The following PCSK2 variants were observed in gnomAD, a reference collection of about 807,000 sequenced individuals.
PCSK2 encodes proprotein convertase subtilisin/kexin type 2.
A neutral mutation model predicts 69.7 loss-of-function variants in PCSK2; 14 were observed. That is an observed-to-expected ratio of 0.20 (90% CI 0.13 to 0.31). The LOEUF is 0.31. Among genes scored for constraint, PCSK2 ranks in the 10% least tolerant of loss-of-function variants. PCSK2 has a pLI of 1.00. For missense variants in PCSK2, 544 were observed against 842.5 expected (o/e 0.65, Z 4.39); for synonymous variants, 307 against 320.7 (o/e 0.96, Z 0.46).
chr20:17,331,761 T>C (rs1479674443), intron 2 of PCSK2, among the ~76,000 whole-genome samples: 1 of 143,262 alleles, frequency 7.0e-6, no homozygotes, highest in East Asian at 2.0e-4. Flanking sequence ...CATCATCTCG[T>C]GTGATTAAAA....
rs181813185 is a variant in PCSK2 at position 17,327,908 on chromosome 20, C to A, written c.283-30419C>A. 1.6e-4 allele frequency among the ~76,000 whole-genome samples: 24 copies of A among 152,268 alleles called. No homozygotes were observed. The East Asian group carries it at 3.7e-3, about 23-fold the overall frequency. ...GTGCTTCCAAATTTATTTACTGCTGCCTCAAAAACACCAAGTAAATCATGC... is the reference window on the plus strand; with the variant it reads ...GTGCTTCCAAATTTATTTACTGCTGACTCAAAAACACCAAGTAAATCATGC... On this transcript the variant is annotated intron_variant, in intron 2 of 11. Transcript: ENST00000262545.
At chr20:17,393,673 T>G (rs888695486) in intron 5 of PCSK2, among the ~76,000 whole-genome samples, 10 of 152,222 alleles carry the variant, frequency 6.6e-5, no homozygotes, top group African/African-American at 2.4e-4. Context: ...GATTTCTCTC[T>G]TGTTTCAATT....
At chr20:17,398,961 C>T (rs1027557420) in intron 5 of PCSK2, among the ~76,000 whole-genome samples, 1 of 152,074 alleles carries the variant, frequency 6.6e-6, no homozygotes, top group Non-Finnish European at 1.5e-5. Context: ...TAATGAGACA[C>T]CCCAGCTAAG....
intron 4 of PCSK2, 135 bp from the exon 5 acceptor site, chr20:17,369,105 T>G: frequency 1.4e-6 from 1 of 723,100 alleles, no homozygotes; most frequent in South Asian, 1.6e-5. Context: ...GGGAGCTGTG[T>G]GATGGGGCAC....
At chr20:17,417,611 C>T (rs963871591) in intron 6 of PCSK2, among the ~76,000 whole-genome samples, 5 of 152,146 alleles carry the variant, frequency 3.3e-5, no homozygotes, top group African/African-American at 1.2e-4. Flanking sequence ...AGCTCAAGTC[C>T]ACAGAACCAA....
intron 1 of PCSK2, among the ~76,000 whole-genome samples, chr20:17,243,735 A>G (rs896356657): frequency 2.6e-5 from 4 of 152,210 alleles, no homozygotes; most frequent in Non-Finnish European, 5.9e-5. Flanking sequence ...ACACACCACA[A>G]CGTGTGTAAT....
chr20:17,320,982 T>A (rs1989846216), intron 2 of PCSK2, among the ~76,000 whole-genome samples: 1 of 152,090 alleles, frequency 6.6e-6, no homozygotes, highest in African/African-American at 2.4e-5. Context: ...ACAAGCAAAA[T>A]GTTAGGCATC....
intron 11 of PCSK2, among the ~76,000 whole-genome samples, chr20:17,479,832 C>CA (rs2033364176): frequency 6.8e-6 from 1 of 146,346 alleles, no homozygotes; most frequent in Non-Finnish European, 1.5e-5. Context: ...GAACTATCCA[C>CA]AATGACAGTG....
intron 2 of PCSK2, among the ~76,000 whole-genome samples, chr20:17,318,282 T>C (rs1486210157): frequency 6.6e-6 from 1 of 152,204 alleles, no homozygotes; most frequent in Non-Finnish European, 1.5e-5. Context: ...ATGCACTGTT[T>C]AGAGGTTCTG....
intron 2 of PCSK2, among the ~76,000 whole-genome samples, chr20:17,314,492 G>T (rs1202123453): frequency 1.3e-5 from 2 of 152,216 alleles, no homozygotes; most frequent in African/African-American, 4.8e-5. Context: ...TATGGCCTGA[G>T]TTATGCTCTG....
At chr20:17,288,832 G>T (rs1401278715) in intron 2 of PCSK2, among the ~76,000 whole-genome samples, 1 of 152,154 alleles carries the variant, frequency 6.6e-6, no homozygotes, top group African/African-American at 2.4e-5. Context: ...TGTTGTTTAA[G>T]CCCCCCAGTC....
intron 2 of PCSK2, among the ~76,000 whole-genome samples, chr20:17,321,158 T>C (rs896926708): frequency 2.6e-5 from 4 of 152,256 alleles, no homozygotes; most frequent in Non-Finnish European, 5.9e-5. Flanking sequence ...ATTTTTTCCT[T>C]GCTTTCCATT....
At chr20:17,303,585 CT>C (rs1450455120) in intron 2 of PCSK2, among the ~76,000 whole-genome samples, 9 of 107,872 alleles carry the variant, frequency 8.3e-5, no homozygotes, top group East Asian at 3.1e-4. Context: ...AAAATATATA[CT>C]TTTTTTTTGA....
At chr20:17,281,083 G>A (rs1475011624) in intron 2 of PCSK2, among the ~76,000 whole-genome samples, 6 of 152,290 alleles carry the variant, frequency 3.9e-5, no homozygotes, top group Non-Finnish European at 8.8e-5. Flanking sequence ...TTACTTGAAA[G>A]TATAGTAACC....
chr20:17,429,567 C>T, intron 7 of PCSK2, 44 bp downstream of exon 7: 1 of 1,307,198 alleles, frequency 7.6e-7, no homozygotes, highest in Non-Finnish European at 1.1e-6. Flanking sequence ...AGGTATCACA[C>T]TGATCTCAAG....
chr20:17,230,086 T>C (rs1986092027), intron 1 of PCSK2, among the ~76,000 whole-genome samples: 1 of 152,214 alleles, frequency 6.6e-6, no homozygotes, highest in Non-Finnish European at 1.5e-5. Context: ...TTATCCCAGG[T>C]TTCCCAGACA....
chr20:17,266,066 A>C (rs1256850656), intron 2 of PCSK2, among the ~76,000 whole-genome samples: 1 of 152,258 alleles, frequency 6.6e-6, no homozygotes, highest in East Asian at 1.9e-4. Context: ...AATTAAAAAT[A>C]ATGTGCTGAA....
At chr20:17,310,613 G>A (rs749094396) in intron 2 of PCSK2, among the ~76,000 whole-genome samples, 25 of 151,026 alleles carry the variant, frequency 1.7e-4, no homozygotes, top group Middle Eastern at 3.4e-3. Flanking sequence ...CCTCACAGCA[G>A]ATTGATTTCC....
chr20:17,295,383 A>G (rs2123075028), intron 2 of PCSK2, among the ~76,000 whole-genome samples: 1 of 152,168 alleles, frequency 6.6e-6, no homozygotes, highest in East Asian at 1.9e-4. Context: ...ACCACCGTGC[A>G]ATACCAGCAT....
Sources: allele counts gnomAD v4.1 joint callset (sites outside exome capture counted in the v4.1 genomes callset), GRCh38; gene constraint gnomAD v4.1.1; transcripts MANE v1.5; gene names NCBI Gene and HGNC (gene_info 2026-07-23, HGNC 2026-07-21).